The following CPNE4 variants were observed in gnomAD, a reference collection of about 807,000 sequenced individuals.
CPNE4 encodes copine-4.
CPNE4 carries 25 observed loss-of-function variants against 67.9 expected under a neutral mutation model. The observed-to-expected ratio is 0.37, with a 90% CI of 0.27 to 0.51. The LOEUF is 0.51. CPNE4 is among the 20% of genes least tolerant of loss of function. The probability of loss-of-function intolerance (pLI) is 0.93; values close to 1 mark genes in which losing one functional copy is unlikely to be tolerated. For synonymous variants in CPNE4, 242 were observed against 244.9 expected (o/e 0.99, Z 0.11); for missense variants, 464 against 690.8 (o/e 0.67, Z 3.68).
rs561525898 is a variant in CPNE4 at position 131,744,154 on chromosome 3, T to C, written c.181-20529A>G. ...ACTTTTATTTTTACTAACTATATGA[T>C]TGCATATTTATAAAGAACCAAGACA... On this transcript the variant is annotated intron_variant, in intron 2 of 15. Coordinates refer to ENST00000429747, the MANE Select transcript of CPNE4 (RefSeq NM_130808.3). Among the ~76,000 whole-genome samples, 68 of 151,906 alleles carry C rather than the reference T, an allele frequency of 4.5e-4. No homozygotes were observed. The South Asian group carries it at 0.014, about 30-fold the overall frequency.
intron 4 of CPNE4, among the ~76,000 whole-genome samples, chr3:131,698,909 CAAAAAAAA>C (rs750798265): frequency 5.7e-5 from 5 of 87,054 alleles, no homozygotes; most frequent in East Asian, 4.2e-4. Flanking sequence ...GACACTGTCT[CAAAAAAAA>C]AAAAAAAAAA....
chr3:131,712,510 A>T (rs79975925), intron 3 of CPNE4, among the ~76,000 whole-genome samples: 1,884 of 152,334 alleles, frequency 0.012, 35 homozygotes, highest in African/African-American at 0.043. Flanking sequence ...AAACCAACAA[A>T]TATTCCCGAA....
chr3:132,032,222 A>G (rs540052144), intron 1 of CPNE4, among the ~76,000 whole-genome samples: 2 of 152,348 alleles, frequency 1.3e-5, no homozygotes, highest in South Asian at 2.1e-4. Flanking sequence ...TAAAGCAACT[A>G]TCTCAAACTG....
At chr3:131,835,518 G>C (rs1280093523) in intron 2 of CPNE4, among the ~76,000 whole-genome samples, 1 of 151,436 alleles carries the variant, frequency 6.6e-6, no homozygotes, top group African/African-American at 2.4e-5. Context: ...AACAGAGAAA[G>C]ACTCCATCTC....
intron 7 of CPNE4, among the ~76,000 whole-genome samples, chr3:131,619,098 G>T (rs371470149): frequency 3.9e-5 from 6 of 152,130 alleles, no homozygotes; most frequent in African/African-American, 1.4e-4. Flanking sequence ...TGGGGAAGGG[G>T]ATATGATTGT....
intron 2 of CPNE4, among the ~76,000 whole-genome samples, chr3:131,841,713 T>C (rs1028174956): frequency 2.6e-5 from 4 of 152,202 alleles, no homozygotes; most frequent in Non-Finnish European, 5.9e-5. Flanking sequence ...GACCTATCAC[T>C]GTAATGAACA....
At chr3:132,006,860 G>A (rs1204398083) in intron 1 of CPNE4, among the ~76,000 whole-genome samples, 1 of 152,088 alleles carries the variant, frequency 6.6e-6, no homozygotes, top group Non-Finnish European at 1.5e-5. Context: ...ACACCAACCT[G>A]ATACTGTATT....
At chr3:131,741,712 C>T (rs1397801912) in intron 2 of CPNE4, among the ~76,000 whole-genome samples, 1 of 152,054 alleles carries the variant, frequency 6.6e-6, no homozygotes, top group Non-Finnish European at 1.5e-5. Context: ...AGAGGTTTGG[C>T]GGGCAACTTT....
intron 7 of CPNE4, among the ~76,000 whole-genome samples, chr3:131,625,472 C>CT (rs1407289598): frequency 6.6e-6 from 1 of 152,028 alleles, no homozygotes; most frequent in Non-Finnish European, 1.5e-5. Flanking sequence ...TAGATTTACC[C>CT]TTTGAGGGTA....
chr3:131,645,249 A>G (rs2079636615), intron 7 of CPNE4, among the ~76,000 whole-genome samples: 1 of 152,230 alleles, frequency 6.6e-6, no homozygotes, highest in Non-Finnish European at 1.5e-5. Flanking sequence ...AGACCTCATT[A>G]TAACTAGTTA....
rs75882790 is a variant in CPNE4, at chr3:131,549,658, T to C, written c.1302+289A>G. 5.8e-3 allele frequency among the ~76,000 whole-genome samples: 890 copies of C among 152,260 alleles called. 4 individuals carry two copies. Among genetic ancestry groups the C allele is most frequent in the Middle Eastern group, 0.017 (5 of 294 alleles). On this transcript the variant is annotated intron_variant, in intron 14 of 15. Transcript: ENST00000429747. ...TCAAGGACAGGAGGTGGATATGACA[T>C]ACTTTAGTGAATATAGTAGCTTCCA... is the stretch of plus-strand genomic sequence containing the variant.
At chr3:131,849,890 T>C (rs1454353303) in intron 2 of CPNE4, among the ~76,000 whole-genome samples, 2 of 152,166 alleles carry the variant, frequency 1.3e-5, no homozygotes, top group East Asian at 1.9e-4. Flanking sequence ...AGAGTTTCTG[T>C]GGTTCTTTGT....
intron 1 of CPNE4, among the ~76,000 whole-genome samples, chr3:132,027,510 G>A (rs1049774879): frequency 1.2e-4 from 10 of 81,248 alleles, no homozygotes; most frequent in Admixed American, 9.0e-4. Flanking sequence ...CTCTTATCGT[G>A]CCTTTTCTCC....
At chr3:131,973,993 T>G (rs1327915446) in intron 1 of CPNE4, among the ~76,000 whole-genome samples, 1 of 152,150 alleles carries the variant, frequency 6.6e-6, no homozygotes, top group Non-Finnish European at 1.5e-5. Flanking sequence ...CCCAGACCAG[T>G]TTCTTTGAAT....
chr3:131,804,515 C>T (rs1400080192), intron 2 of CPNE4, among the ~76,000 whole-genome samples: 1 of 152,078 alleles, frequency 6.6e-6, no homozygotes, highest in Non-Finnish European at 1.5e-5. Context: ...CAATAATAAA[C>T]CAAAACAAGG....
intron 10 of CPNE4, among the ~76,000 whole-genome samples, chr3:131,570,540 T>A (rs1373439425): frequency 6.6e-6 from 1 of 152,048 alleles, no homozygotes; most frequent in Non-Finnish European, 1.5e-5. Context: ...ATTTTGTGTG[T>A]GAAATTCTAG....
At chr3:131,784,211 T>C (rs184434173) in intron 2 of CPNE4, among the ~76,000 whole-genome samples, 298 of 152,146 alleles carry the variant, frequency 2.0e-3, no homozygotes, top group South Asian at 5.0e-3. Context: ...CTTGGCACTT[T>C]CTATGCAGGG....
intron 2 of CPNE4, among the ~76,000 whole-genome samples, chr3:131,793,171 C>T (rs916016211): frequency 2.6e-5 from 4 of 151,958 alleles, no homozygotes; most frequent in Admixed American, 1.3e-4. Flanking sequence ...TTCTCATAGC[C>T]TTCCATTTTT....
At chr3:131,730,474 G>T (rs75273700) in intron 2 of CPNE4, among the ~76,000 whole-genome samples, 8,260 of 152,192 alleles carry the variant, frequency 0.054, 218 homozygotes, top group Admixed American at 0.081. Context: ...TATGTCATTT[G>T]TTATAGGTTG....
Sources: gnomAD v4.1 joint callset for allele counts (sites outside exome capture counted in the v4.1 genomes callset) on GRCh38, gnomAD v4.1.1 for gene constraint, MANE v1.5 for transcripts, NCBI Gene and HGNC (gene_info 2026-07-23, HGNC 2026-07-21) for gene names.